The following RBMS2 variants were observed in gnomAD, a reference collection of about 807,000 sequenced individuals.
The protein encoded by RBMS2 is RNA binding motif single stranded interacting protein 2, also known as RNA-binding motif, single-stranded-interacting protein 2.
A neutral mutation model predicts 58.4 loss-of-function variants in RBMS2; 38 were observed. That is an observed-to-expected ratio of 0.65 (90% CI 0.50 to 0.85). The LOEUF is 0.85. Ranked by LOEUF, RBMS2 falls within the 40% of genes least tolerant of loss-of-function variation. The probability of loss-of-function intolerance (pLI) is 0.00; values close to 1 mark genes in which losing one functional copy is unlikely to be tolerated. For synonymous variants in RBMS2, 151 were observed against 180.7 expected, an observed-to-expected ratio of 0.84 and a Z score of 1.32; for missense variants, 367 against 503.7, an observed-to-expected ratio of 0.73 and a Z score of 2.60.
intron 1 of RBMS2, among the ~76,000 whole-genome samples, chr12:56,555,799 C>T (rs542604466): frequency 6.6e-6 from 1 of 152,084 alleles, no homozygotes; most frequent in Non-Finnish European, 1.5e-5. Context: ...CCATGTTGCC[C>T]AGGCTGGTCT....
chr12:56,564,206 G>A (rs749554819), intron 2 of RBMS2, among the ~76,000 whole-genome samples: 2 of 150,946 alleles, frequency 1.3e-5, no homozygotes, highest in African/African-American at 2.4e-5. Context: ...CACTTCGGCC[G>A]CCCAAAGTGC....
At chr12:56,546,279 T>G (rs1360201219) in intron 1 of RBMS2, among the ~76,000 whole-genome samples, 1 of 146,736 alleles carries the variant, frequency 6.8e-6, no homozygotes, top group Non-Finnish European at 1.5e-5. Flanking sequence ...CACCATGGGT[T>G]ATTATAAATG....
At chr12:56,521,381 T>C (rs1231799711), upstream of RBMS2, among the ~76,000 whole-genome samples, 1 of 145,146 alleles carries the variant, frequency 6.9e-6, no homozygotes, top group Non-Finnish European at 1.5e-5. Flanking sequence ...GGATCCGGGA[T>C]TGCACCACTG....
intron 4 of RBMS2, 23 bp downstream of exon 4, chr12:56,570,013 G>A (rs1260690194): frequency 1.9e-6 from 3 of 1,580,180 alleles, no homozygotes; most frequent in Non-Finnish European, 2.6e-6. Context: ...CCCCATGTCT[G>A]TTCCTCCAAG....
chr12:56,530,112 T>A (rs1168898287), intron 1 of RBMS2, among the ~76,000 whole-genome samples: 4 of 152,106 alleles, frequency 2.6e-5, no homozygotes, highest in Non-Finnish European at 5.9e-5. Context: ...TTTGCTATGT[T>A]GCTCAGGCTT....
chr12:56,561,766 C>T (rs1002971899), intron 1 of RBMS2, among the ~76,000 whole-genome samples: 57 of 106,530 alleles, frequency 5.4e-4, no homozygotes, highest in African/African-American at 1.3e-3. Flanking sequence ...CCACCCCCCC[C>T]CTCCTTGGCC....
chr12:56,563,195 GA>G (rs1880747789), intron 2 of RBMS2, among the ~76,000 whole-genome samples: 10 of 152,254 alleles, frequency 6.6e-5, no homozygotes, highest in Admixed American at 5.2e-4. Context: ...TTTCTCTAAG[GA>G]AAGCCAGTGT....
chr12:56,553,596 A>G (rs1233905255), intron 1 of RBMS2, among the ~76,000 whole-genome samples: 1 of 151,330 alleles, frequency 6.6e-6, no homozygotes, highest in Non-Finnish European at 1.5e-5. Flanking sequence ...CTAAAGTGCT[A>G]GGATTACAAG....
chr12:56,568,812 G>A (rs1253983116), intron 2 of RBMS2, among the ~76,000 whole-genome samples, 163 bp from the exon 3 acceptor site: 3 of 152,212 alleles, frequency 2.0e-5, no homozygotes, highest in Admixed American at 6.6e-5. Flanking sequence ...TTACAGGTGT[G>A]AGCTACTGCA....
At chr12:56,534,884 G>A (rs1401054704) in intron 1 of RBMS2, among the ~76,000 whole-genome samples, 1 of 151,948 alleles carries the variant, frequency 6.6e-6, no homozygotes, top group Non-Finnish European at 1.5e-5. Flanking sequence ...CTCGTGATCC[G>A]CCCGCCTCAG....
intron 1 of RBMS2, chr12:56,539,820 C>A (rs1269998879): frequency 3.2e-6 from 1 of 308,144 alleles, no homozygotes; most frequent in Non-Finnish European, 6.4e-6. Context: ...TGTTCTAAGC[C>A]CTTTATAAAA....
intron 2 of RBMS2, among the ~76,000 whole-genome samples, chr12:56,564,505 G>A (rs1197238938): frequency 6.6e-6 from 1 of 151,988 alleles, no homozygotes. Context: ...TAGGACTACA[G>A]GTACACACCA....
At chr12:56,563,702 C>T (rs890126171) in intron 2 of RBMS2, among the ~76,000 whole-genome samples, 17 of 151,994 alleles carry the variant, frequency 1.1e-4, no homozygotes, top group Non-Finnish European at 4.4e-5. Flanking sequence ...CCTTGGGAGA[C>T]CAAGGCAGAA....
rs1475061855 is a variant in RBMS2 at position 56,593,553 on chromosome 12, TA to T, written c.*4421del. 6.6e-6 allele frequency: 1 copy of T among 150,540 alleles called. No homozygotes were observed. The highest frequency in any genetic ancestry group is 1.5e-5 in the Non-Finnish European group (1 of 67,838). The allele number at this position is 150,540 out of a possible 1,614,324, so 9.3% of individuals were successfully genotyped here. On this transcript the variant is annotated 3_prime_UTR_variant, in exon 14 of 14. Coordinates refer to ENST00000262031, the MANE Select transcript of RBMS2 (RefSeq NM_002898.4). ...CTGGCCTTTTCAGTTTTTTTATTTT[TA>T]TTTTTTCTTTGAGACGGAGTCTCGC... is the stretch of plus-strand genomic sequence containing the variant.
intron 1 of RBMS2, among the ~76,000 whole-genome samples, chr12:56,544,768 C>CTT (rs1565740319): frequency 7.3e-6 from 1 of 136,814 alleles, no homozygotes; most frequent in African/African-American, 2.8e-5. Flanking sequence ...TTTTTTTTTT[C>CTT]TTTTTTGTAG....
intron 1 of RBMS2, among the ~76,000 whole-genome samples, chr12:56,532,568 T>TAA (rs141041555): frequency 1.3e-5 from 2 of 151,006 alleles, no homozygotes; most frequent in East Asian, 1.9e-4. Context: ...ATAATTAAAT[T>TAA]AAAAAAAAAC....
At chr12:56,537,486 G>A (rs770938523) in intron 1 of RBMS2, among the ~76,000 whole-genome samples, 6 of 152,102 alleles carry the variant, frequency 3.9e-5, no homozygotes, top group African/African-American at 7.2e-5. Context: ...TAATGTCCTC[G>A]TGGTTCACCT....
chr12:56,544,672 C>T (rs1455104005), intron 1 of RBMS2, among the ~76,000 whole-genome samples: 1 of 152,106 alleles, frequency 6.6e-6, no homozygotes, highest in Non-Finnish European at 1.5e-5. Flanking sequence ...AATGCATTCT[C>T]AGCCTCTCAA....
chr12:56,574,702 G>T (rs1592472519), intron 5 of RBMS2, among the ~76,000 whole-genome samples: 1 of 152,120 alleles, frequency 6.6e-6, no homozygotes, highest in South Asian at 2.1e-4. Context: ...ATGTCTACAA[G>T]TTTTCTTCAT....
Sources: allele counts gnomAD v4.1 joint callset (sites outside exome capture counted in the v4.1 genomes callset), GRCh38; gene constraint gnomAD v4.1.1; transcripts MANE v1.5; gene names NCBI Gene and HGNC (gene_info 2026-07-23, HGNC 2026-07-21).